Variants in THAP4 observed in about 807,000 individuals in gnomAD.
THAP4 encodes peroxynitrite isomerase THAP4.
In THAP4, 18 loss-of-function variants were observed where a neutral mutation model predicts 48.1. The ratio of observed to expected loss-of-function variants is 0.37; its 90% CI spans 0.26 to 0.56. THAP4 has a LOEUF of 0.56. THAP4 is among the 20% of genes least tolerant of loss of function. The pLI, the probability that THAP4 is intolerant of heterozygous loss-of-function variation, is 0.78. For synonymous variants in THAP4, 345 were observed against 324.9 expected (o/e 1.06, Z -0.66); for missense variants, 656 against 774.9 (o/e 0.85, Z 1.82).
chr2:241,620,507 G>C (rs1476745338), intron 2 of THAP4, among the ~76,000 whole-genome samples: 3 of 141,970 alleles, frequency 2.1e-5, no homozygotes, highest in Non-Finnish European at 4.6e-5. Flanking sequence ...AGGGGTGAGT[G>C]AGGAGTGAGT....
At chr2:241,588,049 G>A (rs1394265231) in intron 5 of THAP4, among the ~76,000 whole-genome samples, 1 of 135,584 alleles carries the variant, frequency 7.4e-6, no homozygotes, top group Middle Eastern at 3.4e-3. Flanking sequence ...GGGAGGGAGG[G>A]AGGGAAGGAA....
At chr2:241,591,057 C>T (rs901958239) in intron 5 of THAP4, among the ~76,000 whole-genome samples, 1 of 152,026 alleles carries the variant, frequency 6.6e-6, no homozygotes, top group African/African-American at 2.4e-5. Context: ...GGCACTAGGA[C>T]ACTCAGAGCT....
intron 2 of THAP4, among the ~76,000 whole-genome samples, chr2:241,615,607 G>A (rs1360926168): frequency 6.6e-6 from 1 of 152,156 alleles, no homozygotes; most frequent in Non-Finnish European, 1.5e-5. Context: ...CTGATTTTAG[G>A]CTAAAATATC....
At chr2:241,625,292 G>C (rs1182700638) in intron 2 of THAP4, among the ~76,000 whole-genome samples, 6 of 151,898 alleles carry the variant, frequency 4.0e-5, no homozygotes, top group Admixed American at 6.6e-5. Context: ...CTGGGCAACA[G>C]GCTGGGACCC....
Position 241,633,208 on chromosome 2 carries a change from G to C in THAP4, c.949C>G (p.Gln317Glu). The C allele has an allele frequency of 6.2e-7, 1 of 1,609,844 alleles. No homozygotes were observed. Among genetic ancestry groups the C allele is most frequent in the Non-Finnish European group, 8.5e-7 (1 of 1,177,678 alleles). The change falls in exon 2 of 6, where the codon CAG becomes GAG. Residue 317 changes from glutamine to glutamate, a missense_variant. Gln to Glu is a conservative substitution (Grantham distance 29, BLOSUM62 2). This residue lies in a region of THAP4 where 391 missense variants were observed against 412.4 expected (regional missense o/e 0.95). Transcript: ENST00000407315. The surrounding 1 kb of genome is among the most constrained non-coding windows in gnomAD (Gnocchi z 7.5). ...GGGCTGGCGTCGCTGTGCTCGCTCT[G>C]CACGGCTTCCGTGGCTGGCTTTGGG... ...VTPKPATEAV[Q>E]SEHSDASPMS...
At chr2:241,594,145 A>C (rs1205334648) in intron 5 of THAP4, among the ~76,000 whole-genome samples, 4 of 152,190 alleles carry the variant, frequency 2.6e-5, no homozygotes, top group Non-Finnish European at 4.4e-5. Context: ...GAAACCTTAC[A>C]CTAAGTGACA....
rs546212368 is a variant in THAP4 at position 241,610,367 on chromosome 2, G to A, written c.1241-3894C>T. Among the ~76,000 whole-genome samples, 2 of 152,280 alleles carry A rather than the reference G, an allele frequency of 1.3e-5. No homozygotes were observed. The highest frequency in any genetic ancestry group is 2.1e-4 in the South Asian group (1 of 4,824). On this transcript the variant is annotated intron_variant, in intron 2 of 5. Coordinates refer to ENST00000407315, the MANE Select transcript of THAP4 (RefSeq NM_015963.6). The surrounding 1 kb of genome is among the most constrained non-coding windows in gnomAD (Gnocchi z 4.2). ...GGGAGGGCCGCGCTCGCCCCCCAGC[G>A]CCAGGGTCACGCCACCGCGCCCTGT...
intron 2 of THAP4, among the ~76,000 whole-genome samples, chr2:241,628,799 G>C (rs1281283704): frequency 6.6e-6 from 1 of 150,802 alleles, no homozygotes; most frequent in African/African-American, 2.4e-5. Context: ...AATTAGCCGG[G>C]CATGATGGCA....
intron 2 of THAP4, chr2:241,617,377 C>T (rs1166910007): frequency 1.4e-6 from 2 of 1,416,100 alleles, no homozygotes; most frequent in Non-Finnish European, 1.9e-6. Context: ...TTTAAATTTT[C>T]ATGTTTTGGC....
At chr2:241,611,819 C>G (rs2067281295) in intron 2 of THAP4, among the ~76,000 whole-genome samples, 1 of 152,036 alleles carries the variant, frequency 6.6e-6, no homozygotes, top group South Asian at 2.1e-4. Flanking sequence ...TAAGACACTG[C>G]CTGAGTTCAG....
At chr2:241,621,269 GC>G (rs1449423064) in intron 2 of THAP4, among the ~76,000 whole-genome samples, 1 of 152,024 alleles carries the variant, frequency 6.6e-6, no homozygotes, top group Non-Finnish European at 1.5e-5. Flanking sequence ...AATTGCTTGA[GC>G]CCAGGAAGCA....
intron 5 of THAP4, among the ~76,000 whole-genome samples, chr2:241,597,567 T>C (rs1230838037): frequency 6.6e-6 from 1 of 152,164 alleles, no homozygotes; most frequent in African/African-American, 2.4e-5. Context: ...TCCCAGGAAA[T>C]TCCCCCAACA....
At chr2:241,625,819 A>AAAAAAAAAAAAAAAG (rs1559233376) in intron 2 of THAP4, among the ~76,000 whole-genome samples, 1 of 140,692 alleles carries the variant, frequency 7.1e-6, no homozygotes, top group African/African-American at 2.8e-5. Context: ...AAAAAAAAAA[A>AAAAAAAAAAAAAAAG]AAAAAGAAAA....
In THAP4 at chr2:241,637,000, C is replaced by T. The variant is rs1446174862; in HGVS notation, c.18G>A (p.Ala6=). 5 of 1,307,824 alleles carry T rather than the reference C, an allele frequency of 3.8e-6. No individual in the cohort carries two copies. The highest frequency in any genetic ancestry group is 4.5e-5 in the Admixed American group (2 of 44,390). 81.0% of individuals were successfully genotyped at this position (1,307,824 alleles called of 1,614,324 possible). The change falls in exon 1 of 6, where the codon GCG becomes GCA. Residue 6 remains alanine (A), a synonymous_variant. Transcript: ENST00000407315. MVICC[A]AVNCSNRQGK... ...CCTGCCGGTTGGAGCAGTTCACGGC[C>T]GCACAGCAGATCACCATCGCGGGCC...
At chr2:241,614,302 C>T (rs2067312535) in intron 2 of THAP4, among the ~76,000 whole-genome samples, 1 of 152,158 alleles carries the variant, frequency 6.6e-6, no homozygotes, top group Non-Finnish European at 1.5e-5. Context: ...AAGCAGGCTT[C>T]CCAATCTTAG....
At chr2:241,607,025 T>A (rs1490269899) in intron 2 of THAP4, among the ~76,000 whole-genome samples, 1 of 151,632 alleles carries the variant, frequency 6.6e-6, no homozygotes, top group Non-Finnish European at 1.5e-5. Flanking sequence ...GCAGCCAGAG[T>A]GTGAGGGCCC....
rs191554477 is a variant in THAP4 at position 241,607,906 on chromosome 2, C to T, written c.1241-1433G>A. On this transcript the variant is annotated intron_variant, in intron 2 of 5. Transcript: ENST00000407315. ...GCCCGCGCAAGCAGAAGACAGCTGA[C>T]GGGGACAGGATCAGGACTGACCCCC... is the stretch of plus-strand genomic sequence containing the variant. Among the ~76,000 whole-genome samples, 32 of 126,910 alleles carry T rather than the reference C, an allele frequency of 2.5e-4. 1 individual carries two copies. The East Asian group carries it at 5.3e-3, about 21-fold the overall frequency. 83.3% of individuals were successfully genotyped at this position (126,910 alleles called of 152,430 possible).
intron 3 of THAP4, among the ~76,000 whole-genome samples, chr2:241,605,896 T>C (rs999307557): frequency 6.6e-6 from 1 of 152,204 alleles, no homozygotes; most frequent in Non-Finnish European, 1.5e-5. Context: ...TACTTTTCAG[T>C]AGAGACAAGG....
Position 241,601,782 on chromosome 2 carries a change from G to T in THAP4, c.1614+114C>A. 3 of 1,542,140 alleles carry T rather than the reference G, an allele frequency of 1.9e-6. No homozygotes were observed. The highest frequency in any genetic ancestry group is 2.6e-6 in the Non-Finnish European group (3 of 1,138,362). ...GAAAAGAAGGAGACAGTGAAGACAG[G>T]CCTGTGAGACACAGTGGCAAGACAC... On this transcript the variant is annotated intron_variant, in intron 5 of 5. Transcript: ENST00000407315. The surrounding 1 kb of genome is among the most constrained non-coding windows in gnomAD (Gnocchi z 4.0).
Sources: gnomAD v4.1 joint callset for allele counts (sites outside exome capture counted in the v4.1 genomes callset) on GRCh38, gnomAD v4.1.1 for gene constraint, gnomAD v4.1.1 regional missense constraint, Gnocchi (gnomAD v3.1) non-coding constraint, MANE v1.5 for transcripts, NCBI Gene and HGNC (gene_info 2026-07-23, HGNC 2026-07-21) for gene names.